KAT6B: variants seen among roughly 807,000 people sequenced by gnomAD.
KAT6B encodes lysine acetyltransferase 6B, also known as histone acetyltransferase KAT6B.
KAT6B carries 10 observed loss-of-function variants against 187.5 expected under a neutral mutation model. The observed-to-expected ratio is 0.05, with a 90% confidence interval of 0.03 to 0.09. The LOEUF is 0.09. Ranked by LOEUF, KAT6B falls within the 10% of genes least tolerant of loss-of-function variation. The probability of loss-of-function intolerance (pLI) is 1.00; values close to 1 mark genes in which losing one functional copy is unlikely to be tolerated. For synonymous variants in KAT6B, 861 were observed against 926.8 expected, an observed-to-expected ratio of 0.93 and a Z score of 1.29; for missense variants, 1,952 against 2,558.9, an observed-to-expected ratio of 0.76 and a Z score of 5.12.
chr10:74,980,796 G>C (rs1842462749), intron 10 of KAT6B, among the ~76,000 whole-genome samples: 1 of 152,208 alleles, frequency 6.6e-6, no homozygotes. Flanking sequence ...GCAGGGAAGA[G>C]AGGTGTTTGT....
In KAT6B at chr10:74,849,593, C is replaced by G. The variant is rs574907943; in HGVS notation, c.621+6115C>G. On this transcript the variant is annotated intron_variant, in intron 3 of 17. Transcript: ENST00000287239. The stretch of plus-strand genomic sequence containing the variant: ...ATTACAGGCTTGTGAGCCACCGTGC[C>G]TGGCCATGACTTTCAAGAAGCTGTT... 3.9e-3 allele frequency among the ~76,000 whole-genome samples: 595 copies of G among 152,308 alleles called. 4 individuals are homozygous for G. The highest frequency in any genetic ancestry group is 6.8e-3 in the Middle Eastern group (2 of 294).
chr10:74,940,525 C>T (rs937493550), intron 3 of KAT6B, among the ~76,000 whole-genome samples: 1 of 151,488 alleles, frequency 6.6e-6, no homozygotes, highest in Non-Finnish European at 1.5e-5. Context: ...TCGCCCGCCT[C>T]AGCCTCCCAG....
chr10:74,890,842 C>A (rs1845599596), intron 3 of KAT6B, among the ~76,000 whole-genome samples: 1 of 151,920 alleles, frequency 6.6e-6, no homozygotes, highest in Non-Finnish European at 1.5e-5. Flanking sequence ...ATGTTCAAAT[C>A]TTGAGTTAAA....
chr10:74,945,738 C>A lies in KAT6B; in HGVS notation c.622-14232C>A, dbSNP rs575713130. On this transcript the variant is annotated intron_variant, in intron 3 of 17. Transcript: ENST00000287239. ...GTGCTGGGATTACAGGCATGAGCCA[C>A]TGTGCCCGCCGGCCTGCCCAAACTT... 3.3e-4 allele frequency among the ~76,000 whole-genome samples: 50 copies of A among 152,332 alleles called. 1 individual carries two copies. Among genetic ancestry groups the A allele is most frequent in the African/African-American group, 1.1e-3 (47 of 41,580 alleles).
At chr10:75,020,203 G>A (rs746899996) in intron 13 of KAT6B, among the ~76,000 whole-genome samples, 7 of 152,180 alleles carry the variant, frequency 4.6e-5, no homozygotes, top group African/African-American at 7.2e-5. Flanking sequence ...GTGGTCCCTC[G>A]ACAGGATTTC....
chr10:75,002,785 A>T (rs1412139074), intron 13 of KAT6B, among the ~76,000 whole-genome samples: 1 of 152,226 alleles, frequency 6.6e-6, no homozygotes, highest in African/African-American at 2.4e-5. Flanking sequence ...GTTGACCTAA[A>T]CATCATTATG....
In KAT6B at chr10:75,029,731, T is replaced by C; in HGVS notation, c.4907T>C (p.Ile1636Thr). ...YAQISPDQSA[I>T]SVPSLQNMET... ...CAAATCAGCCCAGATCAAAGTGCCA[T>C]CTCAGTGCCATCTCTGCAGAACATG... is the stretch of plus-strand genomic sequence containing the variant. The change falls in exon 18 of 18, where the codon ATC becomes ACC. Residue 1636 changes from isoleucine to threonine, a missense_variant. Around this residue, in one of 9 missense-constraint regions of KAT6B, gnomAD observed 87 missense variants for 167.5 expected, o/e 0.52. Transcript: ENST00000287239. The surrounding 1 kb of genome is among the most constrained non-coding windows in gnomAD (Gnocchi z 6.2). 6.2e-7 allele frequency: 1 copy of C among 1,614,160 alleles called. No homozygotes were observed. The highest frequency in any genetic ancestry group is 8.5e-7 in the Non-Finnish European group (1 of 1,180,038).
At position 74,984,808 on chromosome 10, in the gene KAT6B, C is replaced by G. The variant is rs1589755426; in HGVS notation, c.2374-272C>G. On this transcript the variant is annotated intron_variant, in intron 11 of 17. Coordinates refer to ENST00000287239, the MANE Select transcript of KAT6B (RefSeq NM_012330.4). ...AATAAATTACAAGTAAAAATTACTC[C>G]TTTACTAGTGGTTTGGCCCTTCTTT... 1.6e-5 allele frequency: 7 copies of G among 437,402 alleles called. No individual in the cohort carries two copies. The East Asian group carries it at 3.2e-4, about 20-fold the overall frequency. The allele number at this position is 437,402 out of a possible 1,614,324, so 27.1% of individuals were successfully genotyped here.
At chr10:74,988,022 A>C (rs1473678803) in intron 12 of KAT6B, among the ~76,000 whole-genome samples, 1 of 152,230 alleles carries the variant, frequency 6.6e-6, no homozygotes, top group Admixed American at 6.5e-5. Context: ...TTGGGAGTAC[A>C]TCTTTTTCAC....
At chr10:74,890,506 C>A (rs959026678) in intron 3 of KAT6B, among the ~76,000 whole-genome samples, 2 of 152,116 alleles carry the variant, frequency 1.3e-5, no homozygotes, top group African/African-American at 2.4e-5. Flanking sequence ...CGGGCCACTG[C>A]ACTCCAGCCT....
intron 3 of KAT6B, among the ~76,000 whole-genome samples, chr10:74,936,180 A>G (rs145690233): frequency 0.025 from 3,737 of 152,208 alleles, 158 homozygotes; most frequent in African/African-American, 0.085. Flanking sequence ...AGGCAGGCGA[A>G]TCATGAGGTC....
chr10:74,931,111 A>G (rs943872000), intron 3 of KAT6B, among the ~76,000 whole-genome samples: 1 of 152,138 alleles, frequency 6.6e-6, no homozygotes, highest in African/African-American at 2.4e-5. Flanking sequence ...ACAATAGCTT[A>G]TTTGCCACTA....
chr10:74,951,719 T>C (rs1030625872), intron 3 of KAT6B, among the ~76,000 whole-genome samples: 7 of 152,218 alleles, frequency 4.6e-5, no homozygotes, highest in African/African-American at 1.4e-4. Flanking sequence ...GTTTATTATG[T>C]GTGTCAGAGT....
intron 12 of KAT6B, among the ~76,000 whole-genome samples, chr10:74,988,371 TC>T (rs1842939640): frequency 6.6e-6 from 1 of 152,252 alleles, no homozygotes; most frequent in Non-Finnish European, 1.5e-5. Context: ...TTCAAACTGT[TC>T]GTAATATTTT....
chr10:74,993,864 C>T (rs996524485), intron 13 of KAT6B, among the ~76,000 whole-genome samples: 1 of 152,048 alleles, frequency 6.6e-6, no homozygotes, highest in South Asian at 2.1e-4. Flanking sequence ...TAGAAGTGAC[C>T]GTATGTCCTT....
intron 3 of KAT6B, among the ~76,000 whole-genome samples, chr10:74,900,653 G>T (rs1275324831): frequency 6.6e-6 from 1 of 152,246 alleles, no homozygotes; most frequent in Non-Finnish European, 1.5e-5. Flanking sequence ...AGGGCACTGT[G>T]TTTGACAACT....
At position 74,916,822 on chromosome 10, in the gene KAT6B, C is replaced by T. The variant is rs139935597; in HGVS notation, c.622-43148C>T. ...ACTTTGTATAAAAACTAAACACTGGCCTGGCACGGTGGCTCATGCCTGTCA... is the reference window on the plus strand; with the variant it reads ...ACTTTGTATAAAAACTAAACACTGGTCTGGCACGGTGGCTCATGCCTGTCA... On this transcript the variant is annotated intron_variant, in intron 3 of 17. Transcript: ENST00000287239. 1.4e-3 allele frequency among the ~76,000 whole-genome samples: 212 copies of T among 152,292 alleles called. 1 individual carries two copies. The highest frequency in any genetic ancestry group is 4.5e-3 in the African/African-American group (185 of 41,550).
chr10:74,932,125 A>AG (rs996766692), intron 3 of KAT6B, among the ~76,000 whole-genome samples: 1 of 152,228 alleles, frequency 6.6e-6, no homozygotes, highest in Non-Finnish European at 1.5e-5. Flanking sequence ...TAATGGATAG[A>AG]GAGTCTGTGC....
intron 3 of KAT6B, among the ~76,000 whole-genome samples, chr10:74,935,271 A>G (rs1849171957): frequency 6.4e-5 from 1 of 15,562 alleles, no homozygotes; most frequent in African/African-American, 4.0e-4. Context: ...ATACATTTAC[A>G]TACACACACA....
Sources: gnomAD v4.1 joint callset for allele counts (sites outside exome capture counted in the v4.1 genomes callset) on GRCh38, gnomAD v4.1.1 for gene constraint, gnomAD v4.1.1 regional missense constraint, Gnocchi (gnomAD v3.1) non-coding constraint, MANE v1.5 for transcripts, NCBI Gene and HGNC (gene_info 2026-07-23, HGNC 2026-07-21) for gene names.